Variants in NPR2 observed in about 807,000 individuals in gnomAD.
NPR2 encodes atrial natriuretic peptide receptor 2.
NPR2 carries 49 observed loss-of-function variants against 120.7 expected under a neutral mutation model. The observed-to-expected ratio is 0.41, with a 90% CI of 0.32 to 0.52. NPR2 has a LOEUF of 0.52. NPR2 is among the 20% of genes least tolerant of loss of function. The pLI, the probability that NPR2 is intolerant of heterozygous loss-of-function variation, is 0.36. For synonymous variants in NPR2, 484 were observed against 519.8 expected, an observed-to-expected ratio of 0.93 and a Z score of 0.94; for missense variants, 931 against 1,362.9, an observed-to-expected ratio of 0.68 and a Z score of 4.99.
rs1233257228 is a variant in NPR2 at position 35,808,630 on chromosome 9, G to A, written c.2834G>A (p.Arg945His). ...LALLDAVSSF[R>H]IRHRPHDQLR... ...TTACTAGATGCAGTTTCTTCCTTTC[G>A]CATCCGCCACCGACCCCATGACCAG... The change falls in exon 19 of 22, where the codon CGC becomes CAC. Residue 945 changes from arginine to histidine, a missense_variant. Around this residue, in one of 3 missense-constraint regions of NPR2, gnomAD observed 184 missense variants for 328.3 expected, o/e 0.56. Transcript: ENST00000342694. The surrounding 1 kb of genome is among the most constrained non-coding windows in gnomAD (Gnocchi z 4.0). 1.2e-6 allele frequency: 2 copies of A among 1,613,944 alleles called. No homozygotes were observed. The highest frequency in any genetic ancestry group is 1.1e-5 in the South Asian group (1 of 91,072).
Position 35,792,992 on chromosome 9 carries a change from A to G in NPR2, c.584A>G (p.Asn195Ser), listed in dbSNP as rs761548470. 8.7e-6 allele frequency: 14 copies of G among 1,613,272 alleles called. No individual in the cohort carries two copies. Among genetic ancestry groups the G allele is most frequent in the Admixed American group, 1.7e-5 (1 of 59,992 alleles). ...EGVFEALQGSNLSVQHQVYAR... is the reference protein window; with the variant it reads ...EGVFEALQGSSLSVQHQVYAR... ...GTCTTTGAGGCCCTGCAGGGCAGCAACCTCAGTGTGCAGCACCAGGTGTAT... is the reference window on the plus strand; with the variant it reads ...GTCTTTGAGGCCCTGCAGGGCAGCAGCCTCAGTGTGCAGCACCAGGTGTAT... Residue 195 changes from asparagine (N) to serine (S), a missense_variant, in exon 1 of 22, where the codon AAC becomes AGC. Asn to Ser is a conservative substitution (Grantham distance 46). Around this residue, in one of 3 missense-constraint regions of NPR2, gnomAD observed 681 missense variants for 974.3 expected, o/e 0.70. Coordinates refer to ENST00000342694, the MANE Select transcript of NPR2 (RefSeq NM_003995.4).
At chr9:35,799,821 C>G in intron 3 of NPR2, 90 bp downstream of exon 3, 1 of 1,407,462 alleles carries the variant, frequency 7.1e-7, no homozygotes, top group Non-Finnish European at 1.0e-6. Context: ...GGCTGTGGAG[C>G]AAGCCCAACT....
At position 35,801,663 on chromosome 9, in the gene NPR2, A is replaced by T; in HGVS notation, c.1457A>T (p.Glu486Val). 1 of 1,614,118 alleles carries T rather than the reference A, an allele frequency of 6.2e-7. No individual in the cohort carries two copies. Among genetic ancestry groups the T allele is most frequent in the Non-Finnish European group, 8.5e-7 (1 of 1,179,942 alleles). ...TACAGAAAGCTGATGCTGGAGAAGG[A>T]GCTGGCTAGCATGTTGTGGCGTATT... The part of the protein sequence containing the change: ...LIFRKLMLEK[E>V]LASMLWRIRW... The change falls in exon 8 of 22, where the codon GAG (glutamate) becomes GTG (valine). Residue 486 changes from glutamate to valine, a missense_variant. Glu to Val is a moderately radical substitution (Grantham distance 121). Coordinates refer to ENST00000342694, the MANE Select transcript of NPR2 (RefSeq NM_003995.4).
At position 35,805,469 on chromosome 9, in the gene NPR2, C is replaced by A; in HGVS notation, c.1888-42C>A. The A allele has an allele frequency of 1.2e-6, 2 of 1,604,668 alleles. No individual in the cohort carries two copies. The highest frequency in any genetic ancestry group is 1.7e-6 in the Non-Finnish European group (2 of 1,171,412). ...TCTCATGGAGAGAGGGTATTCTAAG[C>A]CAGATATGATCCAATCCCATGACTT... On this transcript the variant is annotated intron_variant, in intron 12 of 21. Coordinates refer to ENST00000342694, the MANE Select transcript of NPR2 (RefSeq NM_003995.4). The surrounding 1 kb of genome is among the most constrained non-coding windows in gnomAD (Gnocchi z 4.9).
At chr9:35,797,290 C>T in intron 2 of NPR2, among the ~76,000 whole-genome samples, 1 of 152,086 alleles carries the variant, frequency 6.6e-6, no homozygotes, top group East Asian at 1.9e-4. Context: ...TTGAGTGGAA[C>T]TAAATAAGCA....
intron 12 of NPR2, among the ~76,000 whole-genome samples, chr9:35,803,963 A>G (rs559802786): frequency 1.3e-5 from 2 of 152,352 alleles, no homozygotes; most frequent in Non-Finnish European, 2.9e-5. Flanking sequence ...ACAAAGCCAG[A>G]AGCCTAATCC....
chr9:35,793,591 CAG>C (rs1827853363), intron 1 of NPR2, among the ~76,000 whole-genome samples: 1 of 152,094 alleles, frequency 6.6e-6, no homozygotes, highest in African/African-American at 2.4e-5. Context: ...AGGGAAGAGT[CAG>C]GGAGCAGGCC....
chr9:35,792,807 T>C lies in NPR2; in HGVS notation c.399T>C (p.Asn133=). 2 of 1,614,218 alleles carry C rather than the reference T, an allele frequency of 1.2e-6. No homozygotes were observed. Among genetic ancestry groups the C allele is most frequent in the Middle Eastern group, 1.6e-4 (1 of 6,062 alleles). Residue 133 remains asparagine (N), a synonymous_variant, in exon 1 of 22, where the codon AAT becomes AAC. Coordinates refer to ENST00000342694, the MANE Select transcript of NPR2 (RefSeq NM_003995.4). The part of the protein sequence containing the change: ...GAVASGFSAK[N]DHYRTLVRTG... ...TGGCCTCTGGTTTTTCGGCTAAGAA[T>C]GACCATTATCGTACCCTGGTTCGCA...
chr9:35,808,899 G>A lies in NPR2; in HGVS notation c.2986+46G>A, dbSNP rs1334202723. 8.3e-7 allele frequency: 1 copy of A among 1,207,230 alleles called. No individual in the cohort carries two copies. The highest frequency in any genetic ancestry group is 1.2e-6 in the Non-Finnish European group (1 of 808,358). The allele number at this position is 1,207,230 out of a possible 1,614,324, so 74.8% of individuals were successfully genotyped here. A position where few individuals can be genotyped will look rare whatever the true frequency, so the allele number is the denominator to read the frequency against. ...CCCACTGTTGGCCTCAATTTATCTT[G>A]CCCTTTTCTTCTTTTCATAATCCCT... is the stretch of plus-strand genomic sequence containing the variant. On this transcript the variant is annotated intron_variant, in intron 20 of 21. Coordinates refer to ENST00000342694, the MANE Select transcript of NPR2 (RefSeq NM_003995.4). The surrounding 1 kb of genome is among the most constrained non-coding windows in gnomAD (Gnocchi z 4.0).
At position 35,809,396 on chromosome 9, in the gene NPR2, G is replaced by A. The variant is rs143876283; in HGVS notation, c.3095G>A (p.Arg1032Gln). 40 of 1,614,004 alleles carry A rather than the reference G, an allele frequency of 2.5e-5. 1 individual carries two copies. The highest frequency in any genetic ancestry group is 1.2e-4 in the African/African-American group (9 of 74,898). ...DVEMKGKGKM[R>Q]TYWLLGERKG... is the part of the protein sequence containing the mutation. ...CACTTCCAGGGAAAAGGAAAGATGC[G>A]AACATACTGGCTCTTAGGAGAGCGG... is the stretch of plus-strand genomic sequence containing the variant. Residue 1032 changes from arginine (R) to glutamine (Q), a missense_variant, in exon 22 of 22, where the codon CGA (arginine) becomes CAA (glutamine). Around this residue, in one of 3 missense-constraint regions of NPR2, gnomAD observed 184 missense variants for 328.3 expected, o/e 0.56. Coordinates refer to ENST00000342694, the MANE Select transcript of NPR2 (RefSeq NM_003995.4). This position sits in a 1 kb window ranked among gnomAD's most constrained non-coding sequence, Gnocchi z 4.1.
At position 35,802,675 on chromosome 9, in the gene NPR2, T is replaced by C. The variant is rs1434662212; in HGVS notation, c.1816-57T>C. On this transcript the variant is annotated intron_variant, in intron 11 of 21. Transcript: ENST00000342694. This position sits in a 1 kb window ranked among gnomAD's most constrained non-coding sequence, Gnocchi z 4.2. The stretch of plus-strand genomic sequence containing the variant: ...TAGACCCAAAGTTATACTGACTCTA[T>C]GCTGGGTGATAGCTGGTGGGACCAG... 8 of 1,487,316 alleles carry C rather than the reference T, an allele frequency of 5.4e-6. No individual in the cohort carries two copies. Among genetic ancestry groups the C allele is most frequent in the Non-Finnish European group, 7.5e-6 (8 of 1,064,502 alleles). The allele number at this position is 1,487,316 out of a possible 1,614,324, so 92.1% of individuals were successfully genotyped here.
intron 12 of NPR2, among the ~76,000 whole-genome samples, chr9:35,804,237 T>C (rs1388075091): frequency 6.6e-6 from 1 of 151,102 alleles, no homozygotes; most frequent in African/African-American, 2.4e-5. Flanking sequence ...TTAAGACTTT[T>C]TTTTTTTTTT....
chr9:35,799,999 A>G, intron 3 of NPR2, 23 bp from the exon 4 acceptor site: 1 of 1,613,532 alleles, frequency 6.2e-7, no homozygotes, highest in African/African-American at 1.3e-5. Flanking sequence ...TTTGGAGAGT[A>G]CTGCTGAAGT....
chr9:35,798,371 G>A (rs1828011586), intron 2 of NPR2, among the ~76,000 whole-genome samples: 1 of 152,080 alleles, frequency 6.6e-6, no homozygotes, highest in Non-Finnish European at 1.5e-5. Context: ...TTTTACCTGA[G>A]ACTGGGAGAA....
Position 35,800,456 on chromosome 9 carries a change from G to A in NPR2, c.1191G>A (p.Met397Ile). 1.2e-6 allele frequency: 2 copies of A among 1,614,064 alleles called. No individual in the cohort carries two copies. The highest frequency in any genetic ancestry group is 2.2e-5 in the South Asian group (2 of 91,068). Reference sequence around the variant, plus strand: ...AGACTGACTTTGTCCTCTGGGCCATGGGAGACCTGGATTCTGGGGACTTTC... The same window carrying A: ...AGACTGACTTTGTCCTCTGGGCCATAGGAGACCTGGATTCTGGGGACTTTC... ...DRETDFVLWA[M>I]GDLDSGDFQP... The change falls in exon 5 of 22, where the codon ATG (methionine) becomes ATA (isoleucine). Residue 397 changes from methionine (M) to isoleucine (I), a missense_variant. Physicochemically the swap from Met to Ile is conservative, Grantham distance 10. Transcript: ENST00000342694. The surrounding 1 kb of genome is among the most constrained non-coding windows in gnomAD (Gnocchi z 4.7).
At position 35,800,672 on chromosome 9, in the gene NPR2, A is replaced by G; in HGVS notation, c.1219-37A>G. 6.2e-7 allele frequency: 1 copy of G among 1,613,862 alleles called. No homozygotes were observed. Among genetic ancestry groups the G allele is most frequent in the Non-Finnish European group, 8.5e-7 (1 of 1,179,996 alleles). On this transcript the variant is annotated intron_variant, in intron 5 of 21. Coordinates refer to ENST00000342694, the MANE Select transcript of NPR2 (RefSeq NM_003995.4). The surrounding 1 kb of genome is among the most constrained non-coding windows in gnomAD (Gnocchi z 4.7). Reference sequence around the variant, plus strand: ...GGGGTCTGGGGAGGAGGCTGGTGGGAGCAGGCCTGTGGGCCCAGCTTTTTG... The same window carrying G: ...GGGGTCTGGGGAGGAGGCTGGTGGGGGCAGGCCTGTGGGCCCAGCTTTTTG...
Position 35,802,245 on chromosome 9 carries a change from A to G in NPR2, c.1672A>G (p.Ile558Val). 6.2e-7 allele frequency: 1 copy of G among 1,609,568 alleles called. No homozygotes were observed. Among genetic ancestry groups the G allele is most frequent in the Non-Finnish European group, 8.5e-7 (1 of 1,176,080 alleles). The change falls in exon 10 of 22, where the codon ATT becomes GTT. Residue 558 changes from isoleucine (I) to valine (V), a missense_variant. Physicochemically the swap from Ile to Val is conservative, Grantham distance 29. Transcript: ENST00000342694. This position sits in a 1 kb window ranked among gnomAD's most constrained non-coding sequence, Gnocchi z 4.2. ...CATCAAACATGTGAATAAGAAGCGC[A>G]TTGAGCTGACCCGGCAGGTTCTGTT... ...VAIKHVNKKR[I>V]ELTRQVLFEL...
rs1380290371 is a variant in NPR2 at position 35,800,978 on chromosome 9, C to G, written c.1352-92C>G. ...CCCTCCCTCCTCATTTCTTCCTACTCCCAAGGAGTCTGTCTATGCACCTAT... is the reference window on the plus strand; with the variant it reads ...CCCTCCCTCCTCATTTCTTCCTACTGCCAAGGAGTCTGTCTATGCACCTAT... On this transcript the variant is annotated intron_variant, in intron 6 of 21. Transcript: ENST00000342694. This position sits in a 1 kb window ranked among gnomAD's most constrained non-coding sequence, Gnocchi z 4.7. 1.2e-5 allele frequency: 18 copies of G among 1,526,406 alleles called. No individual in the cohort carries two copies. Among genetic ancestry groups the G allele is most frequent in the Non-Finnish European group, 1.6e-5 (18 of 1,100,038 alleles). 94.6% of individuals were successfully genotyped at this position (1,526,406 alleles called of 1,614,324 possible). A position where few individuals can be genotyped will look rare whatever the true frequency, so the allele number is the denominator to read the frequency against.
Position 35,808,828 on chromosome 9 carries a change from T to C in NPR2, c.2961T>C (p.Ala987=), listed in dbSNP as rs970313234. 11 of 1,609,006 alleles carry C rather than the reference T, an allele frequency of 6.8e-6. No individual in the cohort carries two copies. The highest frequency in any genetic ancestry group is 9.4e-6 in the Non-Finnish European group (11 of 1,175,386). ...TTTTTGGAGACACAGTGAACACTGC[T>C]TCTCGAATGGAGTCTAATGGTCAAG... The part of the protein sequence containing the change: ...YCLFGDTVNT[A]SRMESNGQAL... Residue 987 remains alanine (A), a synonymous_variant, in exon 20 of 22, where the codon GCT becomes GCC. Coordinates refer to ENST00000342694, the MANE Select transcript of NPR2 (RefSeq NM_003995.4). The surrounding 1 kb of genome is among the most constrained non-coding windows in gnomAD (Gnocchi z 4.0).
Sources: gnomAD v4.1 joint callset for allele counts (sites outside exome capture counted in the v4.1 genomes callset) on GRCh38, gnomAD v4.1.1 for gene constraint, gnomAD v4.1.1 regional missense constraint, Gnocchi (gnomAD v3.1) non-coding constraint, MANE v1.5 for transcripts, NCBI Gene and HGNC (gene_info 2026-07-23, HGNC 2026-07-21) for gene names.